ADAMTS9: variants seen among roughly 807,000 people sequenced by gnomAD.
The protein encoded by ADAMTS9 is ADAM metallopeptidase with thrombospondin type 1 motif 9.
In ADAMTS9, 107 loss-of-function variants were observed where a neutral mutation model predicts 257.1. The ratio of observed to expected loss-of-function variants is 0.42; its 90% CI spans 0.36 to 0.49. The LOEUF (loss-of-function observed/expected upper bound fraction) is 0.49, where lower values mean the gene tolerates loss of function less well. Ranked by LOEUF, ADAMTS9 falls within the 20% of genes least tolerant of loss-of-function variation. The pLI is 0.03. For missense variants in ADAMTS9, 2,353 were observed against 2,469.1 expected (o/e 0.95, Z 1.00); for synonymous variants, 982 against 880.9 (o/e 1.11, Z -2.03).
At chr3:64,633,987 G>A (rs530846193) in intron 12 of ADAMTS9, 108 bp from the exon 13 acceptor site, 30 of 1,066,598 alleles carry the variant, frequency 2.8e-5, no homozygotes, top group Non-Finnish European at 4.0e-5. Flanking sequence ...TAAATCTAGG[G>A]TGGCAAATGA....
intron 21 of ADAMTS9, among the ~76,000 whole-genome samples, chr3:64,613,871 C>T (rs1378935553): frequency 1.3e-5 from 2 of 152,146 alleles, no homozygotes; most frequent in African/African-American, 4.8e-5. Context: ...TCTCTCTGAA[C>T]CTCAATTTTC....
rs1166609632 is a variant in ADAMTS9, at chr3:64,556,762, C to CTCCTT, written c.4698+4815_4698+4816insAAGGA. On this transcript the variant is annotated intron_variant, in intron 30 of 39. Transcript: ENST00000498707. ...CCTTCCTTCCTTCCTTCCTCCCTCC[C>CTCCTT]TTTCTTCCTTCCTCCTTCCTTCCTT... Among the ~76,000 whole-genome samples, 195 of 151,000 alleles carry CTCCTT rather than the reference C, an allele frequency of 1.3e-3. 1 individual carries two copies. Among genetic ancestry groups the CTCCTT allele is most frequent in the Middle Eastern group, 3.4e-3 (1 of 294 alleles).
At chr3:64,642,346 A>G (rs574067313) in intron 11 of ADAMTS9, among the ~76,000 whole-genome samples, 1 of 152,166 alleles carries the variant, frequency 6.6e-6, no homozygotes, top group Non-Finnish European at 1.5e-5. Context: ...GAGTTATAAG[A>G]TTTGCATAGT....
At chr3:64,541,662 A>T in intron 33 of ADAMTS9, 42 bp from the exon 34 acceptor site, 1 of 1,569,592 alleles carries the variant, frequency 6.4e-7, no homozygotes. Flanking sequence ...TGATGATCCG[A>T]GATGTGAATT....
chr3:64,681,281 T>C lies in ADAMTS9; in HGVS notation c.599A>G (p.Gln200Arg). 1.2e-6 allele frequency: 2 copies of C among 1,614,146 alleles called. No homozygotes were observed. The highest frequency in any genetic ancestry group is 1.7e-6 in the Non-Finnish European group (2 of 1,179,994). ...CCTATAAATGATGTGGGGTTTGTTTTGTTCCTCTTCATCTTCTTGTTCATC... is the reference window on the plus strand; with the variant it reads ...CCTATAAATGATGTGGGGTTTGTTTCGTTCCTCTTCATCTTCTTGTTCATC... ...SMDEQEDEEE[Q>R]NKPHIIYRRS... Residue 200 changes from glutamine (Q) to arginine (R), a missense_variant, in exon 3 of 40, where the codon CAA (glutamine) becomes CGA (arginine). Transcript: ENST00000498707.
At position 64,604,480 on chromosome 3, in the gene ADAMTS9, A is replaced by G. The variant is rs1576107780; in HGVS notation, c.3475-149T>C. ...CTGGGCAAGTCACATGACATCTCTC[A>G]GTCCCAATGTCTTCAACTGCAAAAT... On this transcript the variant is annotated intron_variant, in intron 23 of 39. Transcript: ENST00000498707. 8.1e-5 allele frequency: 44 copies of G among 544,092 alleles called. No homozygotes were observed. The East Asian group carries it at 1.3e-3, about 17-fold the overall frequency. The allele number at this position is 544,092 out of a possible 1,614,324, so 33.7% of individuals were successfully genotyped here.
At chr3:64,593,336 C>A (rs2106787231) in intron 28 of ADAMTS9, among the ~76,000 whole-genome samples, 1 of 152,274 alleles carries the variant, frequency 6.6e-6, no homozygotes, top group South Asian at 2.1e-4. Flanking sequence ...ATGGTTAAGA[C>A]TTCTGAGAAC....
intron 14 of ADAMTS9, 79 bp from the exon 15 acceptor site, chr3:64,632,004 C>T (rs561155993): frequency 9.1e-6 from 10 of 1,095,648 alleles, no homozygotes; most frequent in East Asian, 7.4e-5. Context: ...TTCTTTTAAT[C>T]GTGTGCACTA....
In ADAMTS9 at chr3:64,563,938, G is replaced by A. The variant is rs184407824; in HGVS notation, c.4525-2187C>T. ...AGGGAGGCAACAGTTTGCATAGAGA[G>A]CCAGCCAGGCTTGCTTGGAATTCTG... On this transcript the variant is annotated intron_variant, in intron 29 of 39. Coordinates refer to ENST00000498707, the MANE Select transcript of ADAMTS9 (RefSeq NM_182920.2). Among the ~76,000 whole-genome samples, 8 of 152,334 alleles carry A rather than the reference G, an allele frequency of 5.3e-5. No individual in the cohort carries two copies. The East Asian group carries it at 9.6e-4, about 18-fold the overall frequency.
At chr3:64,517,744 T>C (rs542944804) in intron 39 of ADAMTS9, among the ~76,000 whole-genome samples, 9 of 152,112 alleles carry the variant, frequency 5.9e-5, no homozygotes, top group African/African-American at 1.9e-4. Context: ...TATATGTAAA[T>C]ATTGTATATA....
chr3:64,597,620 G>T (rs902651498), intron 26 of ADAMTS9, among the ~76,000 whole-genome samples: 4 of 152,076 alleles, frequency 2.6e-5, no homozygotes, highest in South Asian at 2.1e-4. Context: ...CTTCCCCAAT[G>T]AACTTAATTG....
At position 64,686,733 on chromosome 3, in the gene ADAMTS9, G is replaced by C. The variant is rs752645991; in HGVS notation, c.351C>G (p.Ala117=). 1 of 1,614,200 alleles carries C rather than the reference G, an allele frequency of 6.2e-7. No homozygotes were observed. The highest frequency in any genetic ancestry group is 2.2e-5 in the East Asian group (1 of 44,882). ...QQFLFNLTAN[A]GFIAPLFTVT... ...CAGTGAACAGTGGAGCGATAAATCC[G>C]GCATTGGCGGTGAGATTAAATAGAA... Residue 117 remains alanine (A), a synonymous_variant, in exon 2 of 40, where the codon GCC becomes GCG. Coordinates refer to ENST00000498707, the MANE Select transcript of ADAMTS9 (RefSeq NM_182920.2). The surrounding 1 kb of genome is among the most constrained non-coding windows in gnomAD (Gnocchi z 4.6).
At chr3:64,529,348 A>G (rs1176854331) in intron 38 of ADAMTS9, among the ~76,000 whole-genome samples, 5 of 152,218 alleles carry the variant, frequency 3.3e-5, no homozygotes, top group Admixed American at 6.5e-5. Flanking sequence ...ACCTGAATCA[A>G]TACAGCTTTC....
At chr3:64,667,038 A>T (rs549425906) in intron 3 of ADAMTS9, among the ~76,000 whole-genome samples, 1 of 152,116 alleles carries the variant, frequency 6.6e-6, no homozygotes, top group African/African-American at 2.4e-5. Flanking sequence ...TTTTATTATT[A>T]TTTTTTTAAG....
chr3:64,648,559 G>T (rs549488528), intron 10 of ADAMTS9, among the ~76,000 whole-genome samples: 1 of 152,184 alleles, frequency 6.6e-6, no homozygotes, highest in East Asian at 1.9e-4. Flanking sequence ...AATTTTAAAA[G>T]ATTTTTTATC....
intron 3 of ADAMTS9, among the ~76,000 whole-genome samples, chr3:64,679,050 G>T (rs927482449): frequency 6.6e-6 from 1 of 152,106 alleles, no homozygotes; most frequent in South Asian, 2.1e-4. Flanking sequence ...CCTTAATAAC[G>T]ACTGGAACCA....
chr3:64,611,762 C>G lies in ADAMTS9; in HGVS notation c.3354+1583G>C, dbSNP rs559322813. 1.1e-4 allele frequency among the ~76,000 whole-genome samples: 16 copies of G among 152,294 alleles called. No homozygotes were observed. In the South Asian group the frequency reaches 3.3e-3, roughly 32 times the overall value. On this transcript the variant is annotated intron_variant, in intron 22 of 39. Coordinates refer to ENST00000498707, the MANE Select transcript of ADAMTS9 (RefSeq NM_182920.2). The stretch of plus-strand genomic sequence containing the variant: ...ATGCTTATCCACCACTCAACTGTTG[C>G]TGTGCAGCCTGGTTCTTTACAGGCC...
chr3:64,558,010 C>A (rs1025720696), intron 30 of ADAMTS9, among the ~76,000 whole-genome samples: 3 of 152,280 alleles, frequency 2.0e-5, no homozygotes, highest in South Asian at 4.2e-4. Context: ...CATCAAGACT[C>A]GCCTGGTGAC....
At chr3:64,599,616 C>G (rs931321897) in intron 26 of ADAMTS9, among the ~76,000 whole-genome samples, 2 of 152,166 alleles carry the variant, frequency 1.3e-5, no homozygotes, top group African/African-American at 2.4e-5. Flanking sequence ...GGCAACTGGA[C>G]TTTCCTGGGA....
Sources: allele counts gnomAD v4.1 joint callset (sites outside exome capture counted in the v4.1 genomes callset), GRCh38; gene constraint gnomAD v4.1.1; non-coding constraint Gnocchi (gnomAD v3.1); transcripts MANE v1.5; gene names NCBI Gene and HGNC (gene_info 2026-07-23, HGNC 2026-07-21).